DDX31: variants seen among roughly 807,000 people sequenced by gnomAD.
The protein encoded by DDX31 is ATP-dependent DNA helicase DDX31.
In DDX31, 70 loss-of-function variants were observed where a neutral mutation model predicts 91.3. The observed-to-expected ratio is 0.77, with a 90% CI of 0.63 to 0.94. The LOEUF (loss-of-function observed/expected upper bound fraction) is 0.94. Ranked by LOEUF, DDX31 falls within the 40% of genes least tolerant of loss-of-function variation. The probability of loss-of-function intolerance (pLI) is 0.00; values close to 1 mark genes in which losing one functional copy is unlikely to be tolerated. For missense variants in DDX31, 902 were observed against 925.0 expected (o/e 0.98, Z 0.32); for synonymous variants, 362 against 350.6 (o/e 1.03, Z -0.36).
At chr9:132,606,461 A>T (rs1318538072) in intron 19 of DDX31, among the ~76,000 whole-genome samples, 1 of 152,198 alleles carries the variant, frequency 6.6e-6, no homozygotes. Context: ...GTTGAAGTTC[A>T]CTTTTCGTAC....
rs1215484097 is a variant in DDX31, at chr9:132,659,737, C to T, written c.496G>A (p.Ala166Thr). 3 of 1,612,480 alleles carry T rather than the reference C, an allele frequency of 1.9e-6. No individual in the cohort carries two copies. The African/African-American group carries it at 4.0e-5, about 22-fold the overall frequency. Residue 166 changes from alanine to threonine, a missense_variant, in exon 5 of 20, where the codon GCT becomes ACT. Coordinates refer to ENST00000372159, the MANE Select transcript of DDX31 (RefSeq NM_022779.9). ...GAGCCCGTCTGGGATCTCACGAGAG[C>T]ATCTCTGCCTTCCAGCAACACAGGA... ...SIPVLLEGRD[A>T]LVRSQTGSGK... is the part of the protein sequence containing the mutation.
intron 14 of DDX31, among the ~76,000 whole-genome samples, chr9:132,636,480 T>G (rs1476229397): frequency 6.6e-6 from 1 of 152,224 alleles, no homozygotes; most frequent in Non-Finnish European, 1.5e-5. Flanking sequence ...CTCATTGGCT[T>G]AGTAAATTCA....
chr9:132,601,922 G>A (rs988281586), intron 19 of DDX31, among the ~76,000 whole-genome samples: 1 of 152,212 alleles, frequency 6.6e-6, no homozygotes, highest in African/African-American at 2.4e-5. Flanking sequence ...CACACAGCCT[G>A]TTAGGAAAGT....
chr9:132,619,402 A>G (rs1371100141), intron 17 of DDX31, among the ~76,000 whole-genome samples: 1 of 152,096 alleles, frequency 6.6e-6, no homozygotes, highest in Non-Finnish European at 1.5e-5. Flanking sequence ...ACCCCCGGGG[A>G]AAATCCAGAG....
chr9:132,664,250 T>TA (rs1206025273), intron 1 of DDX31, among the ~76,000 whole-genome samples: 1 of 152,230 alleles, frequency 6.6e-6, no homozygotes, highest in Non-Finnish European at 1.5e-5. Context: ...ATATATCACA[T>TA]AACTCTCTTT....
chr9:132,599,044 A>C (rs1382395432), intron 19 of DDX31, among the ~76,000 whole-genome samples: 1 of 152,226 alleles, frequency 6.6e-6, no homozygotes, highest in Admixed American at 6.5e-5. Flanking sequence ...GGCGCCCTTC[A>C]TGGGCTCTAC....
chr9:132,612,473 T>G (rs1831404974), intron 18 of DDX31, among the ~76,000 whole-genome samples: 1 of 152,194 alleles, frequency 6.6e-6, no homozygotes, highest in African/African-American at 2.4e-5. Context: ...GCCACAATTA[T>G]TACTTGAATA....
At position 132,612,219 on chromosome 9, in the gene DDX31, G is replaced by A; in HGVS notation, c.1862C>T (p.Pro621Leu). 1 of 1,614,176 alleles carries A rather than the reference G, an allele frequency of 6.2e-7. No individual in the cohort carries two copies. Among genetic ancestry groups the A allele is most frequent in the Non-Finnish European group, 8.5e-7 (1 of 1,180,034 alleles). ...GTGGAAGATGTGCTTCAGCTCCCTG[G>A]GGTAGGTGGCGTAGGCTTGGATGAA... ...QSFIQAYATY[P>L]RELKHIFHVR... Residue 621 changes from proline to leucine, a missense_variant, in exon 19 of 20, where the codon CCC (proline) becomes CTC (leucine). Physicochemically the swap from Pro to Leu is moderately conservative, Grantham distance 98. Coordinates refer to ENST00000372159, the MANE Select transcript of DDX31 (RefSeq NM_022779.9).
intron 6 of DDX31, among the ~76,000 whole-genome samples, chr9:132,655,518 C>G (rs1455917880): frequency 6.6e-6 from 1 of 152,198 alleles, no homozygotes; most frequent in East Asian, 1.9e-4. Context: ...GGAGGATATA[C>G]AAGAGACTGG....
At chr9:132,643,215 T>C (rs995859315) in intron 13 of DDX31, among the ~76,000 whole-genome samples, 4 of 152,178 alleles carry the variant, frequency 2.6e-5, no homozygotes, top group South Asian at 4.1e-4. Flanking sequence ...GTTAAATTCC[T>C]AGAAACAGAC....
chr9:132,599,391 A>C (rs1830607414), intron 19 of DDX31, among the ~76,000 whole-genome samples: 1 of 152,224 alleles, frequency 6.6e-6, no homozygotes, highest in Non-Finnish European at 1.5e-5. Flanking sequence ...TCCTGGCATA[A>C]AATGTTTTTA....
intron 1 of DDX31, 42 bp from the exon 2 acceptor site, chr9:132,662,737 A>C (rs1328675576): frequency 6.2e-7 from 1 of 1,611,426 alleles, no homozygotes; most frequent in Non-Finnish European, 8.5e-7. Flanking sequence ...GAGATGCATT[A>C]GTCCATGAAA....
chr9:132,647,158 C>T, intron 11 of DDX31, 100 bp from the exon 12 acceptor site: 1 of 1,057,092 alleles, frequency 9.5e-7, no homozygotes, highest in Non-Finnish European at 1.4e-6. Flanking sequence ...TATGTTAGGA[C>T]TACGTATGTT....
At chr9:132,606,072 T>C (rs524865) in intron 19 of DDX31, among the ~76,000 whole-genome samples, 119,039 of 152,138 alleles carry the variant, frequency 0.78, 47,228 homozygotes, top group African/African-American at 0.92. Context: ...CAGTGTTGGA[T>C]GCGGCTGAGA....
chr9:132,662,184 G>A (rs905579703), intron 3 of DDX31, 77 bp downstream of exon 3: 20 of 1,391,594 alleles, frequency 1.4e-5, no homozygotes, highest in Non-Finnish European at 2.0e-5. Context: ...TCCTCCTAGA[G>A]CGGCCATTTC....
intron 17 of DDX31, among the ~76,000 whole-genome samples, chr9:132,621,611 G>A (rs1832038603): frequency 6.6e-6 from 1 of 152,256 alleles, no homozygotes; most frequent in African/African-American, 2.4e-5. Flanking sequence ...CTATCTGAAC[G>A]AAAGGCCTAG....
intron 1 of DDX31, among the ~76,000 whole-genome samples, chr9:132,668,896 G>A (rs914334013): frequency 2.0e-5 from 3 of 152,292 alleles, no homozygotes; most frequent in East Asian, 1.9e-4. Flanking sequence ...TTCTAGAGAG[G>A]CATGAGACAT....
At chr9:132,635,317 C>T (rs1833037357) in intron 14 of DDX31, among the ~76,000 whole-genome samples, 1 of 152,116 alleles carries the variant, frequency 6.6e-6, no homozygotes, top group Non-Finnish European at 1.5e-5. Context: ...TACTGATGGC[C>T]CTTGTCTGTA....
In DDX31 at chr9:132,661,337, G is replaced by C. The variant is rs968965137; in HGVS notation, c.409-86C>G. Reference sequence around the variant, plus strand: ...TACACAAGAAAGGAGAAACTATTGAGAGAACATTGACTACTATGATCAAAT... The same window carrying C: ...TACACAAGAAAGGAGAAACTATTGACAGAACATTGACTACTATGATCAAAT... On this transcript the variant is annotated intron_variant, in intron 3 of 19. Coordinates refer to ENST00000372159, the MANE Select transcript of DDX31 (RefSeq NM_022779.9). The C allele has an allele frequency of 5.2e-6, 6 of 1,154,764 alleles. No individual in the cohort carries two copies. The Admixed American group carries it at 6.0e-5, about 11-fold the overall frequency. 71.5% of individuals were successfully genotyped at this position (1,154,764 alleles called of 1,614,324 possible). A position where few individuals can be genotyped will look rare whatever the true frequency, so the allele number is the denominator to read the frequency against.
Sources: gnomAD v4.1 joint callset for allele counts (sites outside exome capture counted in the v4.1 genomes callset) on GRCh38, gnomAD v4.1.1 for gene constraint, MANE v1.5 for transcripts, NCBI Gene and HGNC (gene_info 2026-07-23, HGNC 2026-07-21) for gene names.